OLFML2A: variants seen among roughly 807,000 people sequenced by gnomAD.
OLFML2A encodes olfactomedin like 2A, also known as olfactomedin-like protein 2A.
Under a neutral mutation model 60.9 loss-of-function variants are expected in OLFML2A, and 47 were observed. That is an observed-to-expected ratio of 0.77 (90% CI 0.61 to 0.98). OLFML2A has a LOEUF of 0.98. Among genes scored for constraint, OLFML2A ranks in the 50% least tolerant of loss-of-function variants. The pLI, the probability that OLFML2A is intolerant of heterozygous loss-of-function variation, is 0.00. For missense variants in OLFML2A, 922 were observed against 879.8 expected (o/e 1.05, Z -0.61); for synonymous variants, 372 against 375.0 (o/e 0.99, Z 0.09).
chr9:124,797,479 G>A lies in OLFML2A; in HGVS notation c.463-1806G>A, dbSNP rs752048727. 6.6e-5 allele frequency among the ~76,000 whole-genome samples: 10 copies of A among 152,138 alleles called. 1 individual carries two copies. The highest frequency in any genetic ancestry group is 2.0e-4 in the Admixed American group (3 of 15,260). ...CAAGGATTTGAATCCAAGGGTATCCGACTCCTGCCTGCTGCCTCTTGGTCC... is the reference window on the plus strand; with the variant it reads ...CAAGGATTTGAATCCAAGGGTATCCAACTCCTGCCTGCTGCCTCTTGGTCC... On this transcript the variant is annotated intron_variant, in intron 3 of 7. Transcript: ENST00000373580.
At chr9:124,790,730 C>T (rs1015927702) in intron 2 of OLFML2A, among the ~76,000 whole-genome samples, 6 of 152,028 alleles carry the variant, frequency 3.9e-5, no homozygotes, top group South Asian at 2.1e-4. Context: ...GAGGAGAAGG[C>T]GGCAGAGGCA....
chr9:124,786,248 C>T (rs916516242), intron 1 of OLFML2A, among the ~76,000 whole-genome samples: 1 of 152,086 alleles, frequency 6.6e-6, no homozygotes, highest in Non-Finnish European at 1.5e-5. Flanking sequence ...CATGGCAAAA[C>T]CCCCTGTTTA....
At chr9:124,794,368 G>A (rs79978059) in intron 2 of OLFML2A, among the ~76,000 whole-genome samples, 1,598 of 152,336 alleles carry the variant, frequency 0.01, 28 homozygotes, top group African/African-American at 0.037. Context: ...ACAAAATCTA[G>A]TAAGAGGGAT....
intron 2 of OLFML2A, among the ~76,000 whole-genome samples, chr9:124,791,064 T>C (rs767797736): frequency 2.6e-5 from 4 of 152,212 alleles, no homozygotes; most frequent in Non-Finnish European, 4.4e-5. Context: ...CAGACATGGC[T>C]CCTGCCTCGA....
chr9:124,779,366 C>T lies in OLFML2A; in HGVS notation c.90+2006C>T, dbSNP rs1841317385. Among the ~76,000 whole-genome samples, 1 of 152,144 alleles carries T rather than the reference C, an allele frequency of 6.6e-6. No homozygotes were observed. The highest frequency in any genetic ancestry group is 1.5e-5 in the Non-Finnish European group (1 of 68,020). ...AAATCCTAGGTAACCTGATCAGTGC[C>T]TTGTCACCACTGGGATCTCTGGCTG... On this transcript the variant is annotated intron_variant, in intron 1 of 7. Coordinates refer to ENST00000373580, the MANE Select transcript of OLFML2A (RefSeq NM_182487.4). This position sits in a 1 kb window ranked among gnomAD's most constrained non-coding sequence, Gnocchi z 4.1.
chr9:124,784,914 C>T (rs1478420485), intron 1 of OLFML2A, among the ~76,000 whole-genome samples: 3 of 143,654 alleles, frequency 2.1e-5, no homozygotes, highest in Non-Finnish European at 4.5e-5. Flanking sequence ...CATGTTGTAG[C>T]ATGAATCAGT....
At position 124,809,795 on chromosome 9, in the gene OLFML2A, C is replaced by T. The variant is rs1167942827; in HGVS notation, c.1355-13C>T. 2 of 1,582,068 alleles carry T rather than the reference C, an allele frequency of 1.3e-6. No homozygotes were observed. The highest frequency in any genetic ancestry group is 2.7e-5 in the African/African-American group (2 of 74,556). ...CTCGGGAGGTCTGGGGTGACCATCGCCCTCGCCTGCAGGCCGCTGGAGTAA... is the reference window on the plus strand; with the variant it reads ...CTCGGGAGGTCTGGGGTGACCATCGTCCTCGCCTGCAGGCCGCTGGAGTAA... On this transcript the variant is annotated splice_polypyrimidine_tract_variant and intron_variant, in intron 7 of 7. Transcript: ENST00000373580.
At chr9:124,806,457 C>T (rs1370642286) in intron 6 of OLFML2A, among the ~76,000 whole-genome samples, 2 of 151,938 alleles carry the variant, frequency 1.3e-5, no homozygotes, top group Non-Finnish European at 2.9e-5. Flanking sequence ...TTCAAGTATA[C>T]AGTATGTTGA....
At chr9:124,792,265 A>G (rs757240809) in intron 2 of OLFML2A, among the ~76,000 whole-genome samples, 17 of 151,634 alleles carry the variant, frequency 1.1e-4, no homozygotes, top group Admixed American at 2.0e-4. Context: ...TCCCTGATCT[A>G]GGCTCCAGTG....
intron 3 of OLFML2A, among the ~76,000 whole-genome samples, chr9:124,796,500 CTT>C (rs1212823018): frequency 6.6e-6 from 1 of 152,210 alleles, no homozygotes; most frequent in African/African-American, 2.4e-5. Context: ...AGAAAAATGA[CTT>C]TTTAATTATC....
At chr9:124,793,256 A>G (rs867802824) in intron 2 of OLFML2A, among the ~76,000 whole-genome samples, 3 of 152,118 alleles carry the variant, frequency 2.0e-5, no homozygotes, top group Admixed American at 6.5e-5. Flanking sequence ...CCTTGTGCCA[A>G]TGTCTCCCTG....
rs571912567 is a variant in OLFML2A at position 124,798,196 on chromosome 9, G to T, written c.463-1089G>T. 2.4e-3 allele frequency among the ~76,000 whole-genome samples: 370 copies of T among 152,312 alleles called. 1 individual carries two copies. The highest frequency in any genetic ancestry group is 3.9e-3 in the Non-Finnish European group (265 of 68,014). On this transcript the variant is annotated intron_variant, in intron 3 of 7. Coordinates refer to ENST00000373580, the MANE Select transcript of OLFML2A (RefSeq NM_182487.4). Reference sequence around the variant, plus strand: ...ATTTTAAAGTAGCAAAAGATTGGAAGCAACTTAAGTAACCATCCATAATGG... The same window carrying T: ...ATTTTAAAGTAGCAAAAGATTGGAATCAACTTAAGTAACCATCCATAATGG...
In OLFML2A at chr9:124,801,448, A is replaced by G. The variant is rs778314568; in HGVS notation, c.704A>G (p.Lys235Arg). 2 of 1,614,116 alleles carry G rather than the reference A, an allele frequency of 1.2e-6. No homozygotes were observed. The highest frequency in any genetic ancestry group is 1.7e-6 in the Non-Finnish European group (2 of 1,179,982). ...AGAGGAAAAGGCAAGGACATCAGCAAGTATGGCAGTGTGCAGAAAAGCTTT... is the reference window on the plus strand; with the variant it reads ...AGAGGAAAAGGCAAGGACATCAGCAGGTATGGCAGTGTGCAGAAAAGCTTT... ...TARGKGKDIS[K>R]YGSVQKSFAD... is the part of the protein sequence containing the mutation. Residue 235 changes from lysine to arginine, a missense_variant, in exon 5 of 8, where the codon AAG (lysine) becomes AGG (arginine). Coordinates refer to ENST00000373580, the MANE Select transcript of OLFML2A (RefSeq NM_182487.4).
chr9:124,777,173 G>C lies in OLFML2A; in HGVS notation c.-98G>C, dbSNP rs969135724. On this transcript the variant is annotated 5_prime_UTR_variant, in exon 1 of 8. Coordinates refer to ENST00000373580, the MANE Select transcript of OLFML2A (RefSeq NM_182487.4). The surrounding 1 kb of genome is among the most constrained non-coding windows in gnomAD (Gnocchi z 6.2). ...GCAGCAGGGTGCAGGCGCGGGGCGC[G>C]GGGCAGGCAGAGCGGGCGAAGGCGC... is the stretch of plus-strand genomic sequence containing the variant. 3 of 409,004 alleles carry C rather than the reference G, an allele frequency of 7.3e-6. No individual in the cohort carries two copies. Among genetic ancestry groups the C allele is most frequent in the Non-Finnish European group, 8.0e-6 (2 of 250,674 alleles). The allele number at this position is 409,004 out of a possible 1,614,324, so 25.3% of individuals were successfully genotyped here.
chr9:124,808,004 G>A, intron 7 of OLFML2A, 38 bp downstream of exon 7: 1 of 1,532,280 alleles, frequency 6.5e-7, no homozygotes, highest in African/African-American at 1.4e-5. Flanking sequence ...GGCTGGGTAT[G>A]GACAACCTGG....
At position 124,801,418 on chromosome 9, in the gene OLFML2A, C is replaced by T. The variant is rs1228957827; in HGVS notation, c.674C>T (p.Thr225Ile). 3.7e-6 allele frequency: 6 copies of T among 1,613,924 alleles called. No individual in the cohort carries two copies. Among genetic ancestry groups the T allele is most frequent in the African/African-American group, 1.3e-5 (1 of 74,902 alleles). Residue 225 changes from threonine (T) to isoleucine (I), a missense_variant, in exon 5 of 8, where the codon ACA becomes ATA. By Grantham distance (89) the Thr-to-Ile change is moderately conservative. Coordinates refer to ENST00000373580, the MANE Select transcript of OLFML2A (RefSeq NM_182487.4). Reference protein sequence around the residue: ...ATGTGSKAQDTARGKGKDISK... With the variant: ...ATGTGSKAQDIARGKGKDISK... ...GAGACTTCTCTTCCCTCCCAGGACA[C>T]AGCTAGAGGAAAAGGCAAGGACATC...
At chr9:124,800,823 A>G (rs1841759595) in intron 4 of OLFML2A, 1 of 1,366,574 alleles carries the variant, frequency 7.3e-7, no homozygotes, top group African/African-American at 1.5e-5. Flanking sequence ...CCAGCATCGG[A>G]GGCATTTAAA....
intron 6 of OLFML2A, 139 bp from the exon 7 acceptor site, chr9:124,807,642 A>C: frequency 1.6e-6 from 1 of 629,928 alleles, no homozygotes; most frequent in East Asian, 2.9e-5. Flanking sequence ...TGTTTTGATG[A>C]TGAGGAAAGG....
At position 124,810,212 on chromosome 9, in the gene OLFML2A, GC is replaced by G. The variant is rs1346495893; in HGVS notation, c.1761del (p.Val588TrpfsTer107). On this transcript the variant is annotated frameshift_variant, in exon 8 of 8. Transcript: ENST00000373580. LOFTEE classifies it high-confidence loss of function. ...NCFLVCGILY[A>X]VDTYNQQEGQ... The stretch of plus-strand genomic sequence containing the variant: ...CTTCCTGGTGTGCGGCATCCTGTAT[GC>G]CGTGGACACGTACAACCAGCAGGAA... The G allele has an allele frequency of 3.1e-6, 5 of 1,613,750 alleles. No homozygotes were observed. In the South Asian group the frequency reaches 5.5e-5, roughly 18 times the overall value.
Sources: allele counts gnomAD v4.1 joint callset (sites outside exome capture counted in the v4.1 genomes callset), GRCh38; gene constraint gnomAD v4.1.1; non-coding constraint Gnocchi (gnomAD v3.1); transcripts MANE v1.5; gene names NCBI Gene and HGNC (gene_info 2026-07-23, HGNC 2026-07-21).